Variants in L3MBTL4 observed in about 807,000 individuals in gnomAD.
L3MBTL4 encodes lethal(3)malignant brain tumor-like protein 4.
L3MBTL4 carries 70 observed loss-of-function variants against 84.5 expected under a neutral mutation model. The observed-to-expected ratio is 0.83, with a 90% CI of 0.68 to 1.01. The LOEUF is 1.01. Ranked by LOEUF, L3MBTL4 falls within the 50% of genes least tolerant of loss-of-function variation. The probability of loss-of-function intolerance (pLI) is 0.00; values close to 1 mark genes in which losing one functional copy is unlikely to be tolerated. For synonymous variants in L3MBTL4, 274 were observed against 259.8 expected (o/e 1.05, Z -0.52); for missense variants, 715 against 754.8 (o/e 0.95, Z 0.62).
At chr18:6,365,606 C>G (rs2053900933) in intron 1 of L3MBTL4, among the ~76,000 whole-genome samples, 1 of 152,112 alleles carries the variant, frequency 6.6e-6, no homozygotes. Context: ...ATCCCACATT[C>G]CAGATAAGAA....
intron 4 of L3MBTL4, among the ~76,000 whole-genome samples, chr18:6,294,461 T>TA (rs945548391): frequency 6.6e-6 from 1 of 152,140 alleles, no homozygotes; most frequent in Non-Finnish European, 1.5e-5. Context: ...AAATATGCTT[T>TA]AAAAAATCAA....
intron 16 of L3MBTL4, among the ~76,000 whole-genome samples, chr18:6,043,485 A>G (rs2056490783): frequency 6.6e-6 from 1 of 152,106 alleles, no homozygotes; most frequent in African/African-American, 2.4e-5. Context: ...TCCCTTATAT[A>G]TTAGATCAGA....
At chr18:6,345,020 A>G (rs2052807075) in intron 1 of L3MBTL4, among the ~76,000 whole-genome samples, 1 of 152,038 alleles carries the variant, frequency 6.6e-6, no homozygotes. Flanking sequence ...AAAGGCATCC[A>G]AGTCAGAAAG....
intron 14 of L3MBTL4, among the ~76,000 whole-genome samples, chr18:6,096,241 T>G (rs2058640244): frequency 6.6e-6 from 1 of 152,192 alleles, no homozygotes; most frequent in South Asian, 2.1e-4. Context: ...TCGAGAGATG[T>G]TCTGTTTCCC....
chr18:6,182,563 T>A (rs1449697384), intron 12 of L3MBTL4, among the ~76,000 whole-genome samples: 1 of 152,194 alleles, frequency 6.6e-6, no homozygotes, highest in African/African-American at 2.4e-5. Context: ...ATTTGTCAAT[T>A]TTTATTTTTG....
At chr18:6,390,156 C>A (rs894641423) in intron 1 of L3MBTL4, among the ~76,000 whole-genome samples, 1 of 151,806 alleles carries the variant, frequency 6.6e-6, no homozygotes, top group Non-Finnish European at 1.5e-5. Context: ...GCCCTCAAGA[C>A]TATATATCTA....
At chr18:6,138,880 A>G (rs76658371) in intron 13 of L3MBTL4, among the ~76,000 whole-genome samples, 2,307 of 152,290 alleles carry the variant, frequency 0.015, 61 homozygotes, top group African/African-American at 0.053. Flanking sequence ...TATTTCTTTC[A>G]GAGATTAATA....
intron 1 of L3MBTL4, among the ~76,000 whole-genome samples, chr18:6,360,963 A>G (rs931465370): frequency 6.6e-6 from 1 of 150,760 alleles, no homozygotes; most frequent in Non-Finnish European, 1.5e-5. Context: ...GGCTGCAGTG[A>G]GCTGTGATTG....
chr18:6,385,781 G>A (rs924193217), intron 1 of L3MBTL4, among the ~76,000 whole-genome samples: 1 of 152,060 alleles, frequency 6.6e-6, no homozygotes, highest in Non-Finnish European at 1.5e-5. Flanking sequence ...TCTCCAAAAG[G>A]CCGAATGAGG....
At chr18:6,268,083 T>C (rs990275771) in intron 4 of L3MBTL4, among the ~76,000 whole-genome samples, 1 of 152,220 alleles carries the variant, frequency 6.6e-6, no homozygotes, top group Non-Finnish European at 1.5e-5. Context: ...ATTGTTTCTC[T>C]GGAGCTACAA....
At chr18:5,964,119 G>A (rs1322712553) in intron 17 of L3MBTL4, among the ~76,000 whole-genome samples, 2 of 152,242 alleles carry the variant, frequency 1.3e-5, no homozygotes, top group African/African-American at 2.4e-5. Flanking sequence ...TGTGACCACT[G>A]ACACACCAGC....
At chr18:6,389,646 T>C (rs1904370620) in intron 1 of L3MBTL4, among the ~76,000 whole-genome samples, 1 of 151,574 alleles carries the variant, frequency 6.6e-6, no homozygotes, top group Non-Finnish European at 1.5e-5. Flanking sequence ...TGAGCAGGAG[T>C]AGCTATCCTT....
intron 16 of L3MBTL4, among the ~76,000 whole-genome samples, chr18:5,991,479 C>T (rs1311103590): frequency 1.3e-5 from 2 of 152,150 alleles, no homozygotes; most frequent in East Asian, 3.9e-4. Flanking sequence ...CATCAAGTCA[C>T]ATGGCAGGTT....
intron 5 of L3MBTL4, among the ~76,000 whole-genome samples, chr18:6,254,210 G>T (rs1430784284): frequency 6.6e-6 from 1 of 151,962 alleles, no homozygotes; most frequent in East Asian, 1.9e-4. Flanking sequence ...TATTCAAAGA[G>T]GTCTAAGACC....
At chr18:6,027,487 C>T (rs1406526828) in intron 16 of L3MBTL4, among the ~76,000 whole-genome samples, 2 of 152,316 alleles carry the variant, frequency 1.3e-5, no homozygotes, top group East Asian at 3.9e-4. Context: ...AATAGTGCTG[C>T]AATAAACATA....
chr18:6,402,680 C>G (rs550115270), intron 1 of L3MBTL4, among the ~76,000 whole-genome samples: 2 of 152,058 alleles, frequency 1.3e-5, no homozygotes, highest in Non-Finnish European at 2.9e-5. Context: ...CTAATTTAGA[C>G]TAAGTATTGC....
chr18:6,223,128 A>G (rs16949690), intron 10 of L3MBTL4, among the ~76,000 whole-genome samples: 30,367 of 151,890 alleles, frequency 0.2, 6,128 homozygotes, highest in African/African-American at 0.52. Flanking sequence ...AGAATCTAAA[A>G]AAACCAACTG....
At chr18:6,098,931 A>G (rs1293096711) in intron 14 of L3MBTL4, among the ~76,000 whole-genome samples, 1 of 152,156 alleles carries the variant, frequency 6.6e-6, no homozygotes. Flanking sequence ...AAAGGACAGG[A>G]GGAAGCATGA....
chr18:6,376,905 C>T (rs1342183900), intron 1 of L3MBTL4, among the ~76,000 whole-genome samples: 1 of 152,160 alleles, frequency 6.6e-6, no homozygotes, highest in African/African-American at 2.4e-5. Flanking sequence ...CTCTCCTGCC[C>T]TCACACTGAA....
Sources: gnomAD v4.1 joint callset for allele counts (sites outside exome capture counted in the v4.1 genomes callset) on GRCh38, gnomAD v4.1.1 for gene constraint, MANE v1.5 for transcripts, NCBI Gene and HGNC (gene_info 2026-07-23, HGNC 2026-07-21) for gene names.